The following TNKS2 variants were observed in gnomAD, a reference collection of about 807,000 sequenced individuals.
The protein encoded by TNKS2 is poly [ADP-ribose] polymerase tankyrase-2.
A neutral mutation model predicts 137.6 loss-of-function variants in TNKS2; 72 were observed. The ratio of observed to expected loss-of-function variants is 0.52; its 90% CI spans 0.43 to 0.64. The LOEUF (loss-of-function observed/expected upper bound fraction) is 0.64, where lower values mean the gene tolerates loss of function less well. Among genes scored for constraint, TNKS2 ranks in the 30% least tolerant of loss-of-function variants. The pLI, the probability that TNKS2 is intolerant of heterozygous loss-of-function variation, is 0.00. For synonymous variants in TNKS2, 516 were observed against 512.1 expected (o/e 1.01, Z -0.10); for missense variants, 1,049 against 1,410.2 (o/e 0.74, Z 4.10).
Position 91,799,811 on chromosome 10 carries a change from G to C in TNKS2, c.199+922G>C, listed in dbSNP as rs112374912. Among the ~76,000 whole-genome samples the C allele has an allele frequency of 5.7e-3, 863 of 152,246 alleles. 9 individuals carry two copies. Among genetic ancestry groups the C allele is most frequent in the African/African-American group, 0.019 (799 of 41,540 alleles). On this transcript the variant is annotated intron_variant, in intron 1 of 26. Coordinates refer to ENST00000371627, the MANE Select transcript of TNKS2 (RefSeq NM_025235.4). The stretch of plus-strand genomic sequence containing the variant: ...GTGAGTCATGCGTGATTGAAAATGG[G>C]AGTACCTCCTCTTACCTCTGACAAT...
Position 91,836,923 on chromosome 10 carries a change from T to C in TNKS2, c.1452T>C (p.Gly484=). The change falls in exon 13 of 27, where the codon GGT becomes GGC. Residue 484 remains glycine (G), a synonymous_variant. Coordinates refer to ENST00000371627, the MANE Select transcript of TNKS2 (RefSeq NM_025235.4). ...NENVQQLLQE[G]ISLGNSEADR... is the part of the protein sequence containing the mutation. Reference sequence around the variant, plus strand: ...CTCTCTCTCTCTCTTTTTTAGAGGGTATCTCATTAGGTAATTCAGAGGCAG... The same window carrying C: ...CTCTCTCTCTCTCTTTTTTAGAGGGCATCTCATTAGGTAATTCAGAGGCAG... The C allele has an allele frequency of 2.5e-6, 4 of 1,612,586 alleles. No individual in the cohort carries two copies. The South Asian group carries it at 3.3e-5, about 13-fold the overall frequency.
Position 91,848,399 on chromosome 10 carries a change from C to T in TNKS2, c.2375C>T (p.Ala792Val), listed in dbSNP as rs1363281921. The change falls in exon 19 of 27, where the codon GCT (alanine) becomes GTT (valine). Residue 792 changes from alanine to valine, a missense_variant. By Grantham distance (64) the Ala-to-Val change is moderately conservative. This residue lies in a region of TNKS2 where 208 missense variants were observed against 231.2 expected (regional missense o/e 0.90). Transcript: ENST00000371627. ...LDLVSADDVSALLTAAMPPSA... is the reference protein window; with the variant it reads ...LDLVSADDVSVLLTAAMPPSA... ...GTACCCTAGGCGGATGATGTCAGCG[C>T]TCTTCTGACAGCAGCCATGCCCCCA... The T allele has an allele frequency of 1.9e-6, 3 of 1,614,150 alleles. No homozygotes were observed. Among genetic ancestry groups the T allele is most frequent in the South Asian group, 1.1e-5 (1 of 91,080 alleles).
At chr10:91,798,972 C>T in intron 1 of TNKS2, 83 bp downstream of exon 1, 2 of 1,268,012 alleles carry the variant, frequency 1.6e-6, no homozygotes, top group Non-Finnish European at 2.0e-6. Context: ...CAGTGCTCCT[C>T]CGCCTCCCGA....
chr10:91,841,951 T>C (rs1842219827), intron 15 of TNKS2, among the ~76,000 whole-genome samples: 1 of 101,482 alleles, frequency 9.9e-6, no homozygotes, highest in Admixed American at 1.1e-4. Context: ...AAATTTTGAC[T>C]ACATTAATGC....
intron 1 of TNKS2, among the ~76,000 whole-genome samples, chr10:91,811,261 G>A (rs141864079): frequency 9.9e-5 from 15 of 151,606 alleles, no homozygotes; most frequent in East Asian, 7.8e-4. Flanking sequence ...GTCTGTGTAC[G>A]TTTTGTTTCT....
intron 25 of TNKS2, among the ~76,000 whole-genome samples, chr10:91,860,441 T>C (rs2133686328): frequency 6.6e-6 from 1 of 152,302 alleles, no homozygotes; most frequent in South Asian, 2.1e-4. Flanking sequence ...TTAGTAGATC[T>C]GGGATGAGAC....
At chr10:91,802,914 T>C (rs992683738) in intron 1 of TNKS2, among the ~76,000 whole-genome samples, 48 of 152,378 alleles carry the variant, frequency 3.2e-4, no homozygotes, top group African/African-American at 1.1e-3. Flanking sequence ...TCTTGACTTA[T>C]CAAATCTCCC....
intron 16 of TNKS2, among the ~76,000 whole-genome samples, chr10:91,842,771 T>TAA (rs34353819): frequency 2.6e-5 from 4 of 151,444 alleles, no homozygotes; most frequent in Middle Eastern, 3.4e-3. Context: ...TCTCAAAAAA[T>TAA]AAAAAAAATA....
Position 91,819,253 on chromosome 10 carries a change from T to TC in TNKS2, c.521-17_521-16insC. On this transcript the variant is annotated splice_polypyrimidine_tract_variant and intron_variant, in intron 3 of 26. Transcript: ENST00000371627. ...TTCTTTTTAATTTCTATACTTTTTTTTTTTTCTAATTCACAGGTGAATATA... is the reference window on the plus strand; with the variant it reads ...TTCTTTTTAATTTCTATACTTTTTTTCTTTTTCTAATTCACAGGTGAATATA... 2.2e-6 allele frequency: 3 copies of TC among 1,391,964 alleles called. No individual in the cohort carries two copies. Among genetic ancestry groups the TC allele is most frequent in the East Asian group, 2.7e-5 (1 of 37,350 alleles). 86.2% of individuals were successfully genotyped at this position (1,391,964 alleles called of 1,614,324 possible).
chr10:91,822,171 A>AT (rs1419253909), intron 6 of TNKS2, 125 bp from the exon 7 acceptor site: 1 of 717,078 alleles, frequency 1.4e-6, no homozygotes, highest in Non-Finnish European at 2.2e-6. Flanking sequence ...GAACATTTTT[A>AT]TTAGAACATC....
chr10:91,840,654 G>A lies in TNKS2; in HGVS notation c.1621G>A (p.Val541Met), dbSNP rs771829801. ...HFAAGYNRVS[V>M]VEYLLQHGAD... ...TGCAGCTGGGTATAACAGAGTGTCC[G>A]TGGTGGAATATCTGCTACAGCATGG... Residue 541 changes from valine to methionine, a missense_variant, in exon 14 of 27, where the codon GTG becomes ATG. Physicochemically the swap from Val to Met is conservative, Grantham distance 21 (BLOSUM62 1). This residue lies in a region of TNKS2 where 328 missense variants were observed against 436.0 expected (regional missense o/e 0.75). Coordinates refer to ENST00000371627, the MANE Select transcript of TNKS2 (RefSeq NM_025235.4). The A allele has an allele frequency of 9.3e-6, 15 of 1,613,982 alleles. No individual in the cohort carries two copies. Among genetic ancestry groups the A allele is most frequent in the Admixed American group, 8.3e-5 (5 of 60,002 alleles).
rs749634175 is a variant in TNKS2, at chr10:91,840,737, T to C, written c.1673+31T>C. ...TGCCAATGATTGTTATGGACTCTCT[T>C]CCTTACTTTTACTTGACCTTTTTAG... On this transcript the variant is annotated intron_variant, in intron 14 of 26. Coordinates refer to ENST00000371627, the MANE Select transcript of TNKS2 (RefSeq NM_025235.4). 12 of 1,576,596 alleles carry C rather than the reference T, an allele frequency of 7.6e-6. No individual in the cohort carries two copies. The East Asian group carries it at 2.5e-4, about 33-fold the overall frequency.
In TNKS2 at chr10:91,852,805, A is replaced by T. The variant is rs866770724; in HGVS notation, c.2815+1469A>T. On this transcript the variant is annotated intron_variant, in intron 21 of 26. Transcript: ENST00000371627. ...AAGAGCACCTCTAAAAATGTAGATGATTCAAGCTAAGGAATACTTTAAACT... is the reference window on the plus strand; with the variant it reads ...AAGAGCACCTCTAAAAATGTAGATGTTTCAAGCTAAGGAATACTTTAAACT... 2.4e-4 allele frequency among the ~76,000 whole-genome samples: 36 copies of T among 152,338 alleles called. 3 individuals carry two copies. The South Asian group carries it at 5.4e-3, about 23-fold the overall frequency.
chr10:91,822,441 CT>C, intron 7 of TNKS2, 79 bp downstream of exon 7: 1 of 1,204,850 alleles, frequency 8.3e-7, no homozygotes. Context: ...GTCTGGGTTT[CT>C]TTTTATTTTC....
intron 1 of TNKS2, among the ~76,000 whole-genome samples, chr10:91,811,209 C>G (rs1844492152): frequency 6.6e-6 from 1 of 152,068 alleles, no homozygotes; most frequent in African/African-American, 2.4e-5. Flanking sequence ...CTGGCGTGAG[C>G]CACTGCGCCC....
chr10:91,865,162 A>T lies in TNKS2; in HGVS notation c.*2163A>T. 1 of 152,000 alleles carries T rather than the reference A, an allele frequency of 6.6e-6. No individual in the cohort carries two copies. The allele number at this position is 152,000 out of a possible 1,614,324, so 9.4% of individuals were successfully genotyped here. A position where few individuals can be genotyped will look rare whatever the true frequency, so the allele number is the denominator to read the frequency against. ...TTTGTCTTGTGATTTTTTTTTTTGA[A>T]GTGAAATTTAACTTTTTGTGCAAGT... is the stretch of plus-strand genomic sequence containing the variant. On this transcript the variant is annotated 3_prime_UTR_variant, in exon 27 of 27. Coordinates refer to ENST00000371627, the MANE Select transcript of TNKS2 (RefSeq NM_025235.4).
rs750788567 is a variant in TNKS2 at position 91,848,377 on chromosome 10, C to G, written c.2359-6C>G. ...TGGCAGATGTTGTCTCTGACACGTA[C>G]CCTAGGCGGATGATGTCAGCGCTCT... On this transcript the variant is annotated splice_region_variant and splice_polypyrimidine_tract_variant and intron_variant, in intron 18 of 26. Coordinates refer to ENST00000371627, the MANE Select transcript of TNKS2 (RefSeq NM_025235.4). 6.2e-7 allele frequency: 1 copy of G among 1,613,524 alleles called. No homozygotes were observed. The highest frequency in any genetic ancestry group is 8.5e-7 in the Non-Finnish European group (1 of 1,179,644).
At chr10:91,807,322 C>T (rs1589643398) in intron 1 of TNKS2, 2 of 1,614,026 alleles carry the variant, frequency 1.2e-6, no homozygotes, top group South Asian at 2.2e-5. Context: ...GTTACTTTAA[C>T]ACACAAGTTC....
At chr10:91,857,669 A>G (rs768899803) in intron 24 of TNKS2, 139 bp downstream of exon 24, 5 of 436,952 alleles carry the variant, frequency 1.1e-5, no homozygotes, top group African/African-American at 8.1e-5. Flanking sequence ...TAACTTTCAC[A>G]TTTATATTTT....
Sources: allele counts gnomAD v4.1 joint callset (sites outside exome capture counted in the v4.1 genomes callset), GRCh38; gene constraint gnomAD v4.1.1; regional missense constraint gnomAD v4.1.1; transcripts MANE v1.5; gene names NCBI Gene and HGNC (gene_info 2026-07-23, HGNC 2026-07-21).